The following USP20 variants were observed in gnomAD, a reference collection of about 807,000 sequenced individuals.
USP20 encodes the protein ubiquitin carboxyl-terminal hydrolase 20.
Under a neutral mutation model 124.2 loss-of-function variants are expected in USP20, and 80 were observed. The ratio of observed to expected loss-of-function variants is 0.64; its 90% CI spans 0.54 to 0.78. The LOEUF (loss-of-function observed/expected upper bound fraction) is 0.78. USP20 is among the 30% of genes least tolerant of loss of function. The pLI is 0.00. For missense variants in USP20, 1,043 were observed against 1,244.4 expected, an observed-to-expected ratio of 0.84 and a Z score of 2.44; for synonymous variants, 481 against 512.3, an observed-to-expected ratio of 0.94 and a Z score of 0.83.
intron 1 of USP20, among the ~76,000 whole-genome samples, chr9:129,842,837 CCCT>C (rs932237347): frequency 6.6e-6 from 1 of 152,072 alleles, no homozygotes; most frequent in African/African-American, 2.4e-5. Flanking sequence ...TTGTGATCCA[CCCT>C]CCTTAGCCTC....
rs548225641 is a variant in USP20 at position 129,881,023 on chromosome 9, A to G, written c.*573A>G. 6 of 152,500 alleles carry G rather than the reference A, an allele frequency of 3.9e-5. No individual in the cohort carries two copies. Among genetic ancestry groups the G allele is most frequent in the African/African-American group, 1.4e-4 (6 of 41,580 alleles). 9.4% of individuals were successfully genotyped at this position (152,500 alleles called of 1,614,324 possible). ...CCTGCAGACTGAAGACTCTGGACTC[A>G]TTGCTGATTGGAACACCAGGAGGAG... On this transcript the variant is annotated 3_prime_UTR_variant, in exon 26 of 26. Transcript: ENST00000372429.
intron 6 of USP20, among the ~76,000 whole-genome samples, 180 bp downstream of exon 6, chr9:129,858,778 CTG>C (rs1045909964): frequency 9.2e-5 from 14 of 152,292 alleles, no homozygotes; most frequent in African/African-American, 3.4e-4. Flanking sequence ...GAGCCCAACT[CTG>C]TGCCGAGGCA....
chr9:129,852,469 A>C (rs1475040887), intron 2 of USP20, 71 bp from the exon 3 acceptor site: 6 of 1,398,392 alleles, frequency 4.3e-6, no homozygotes, highest in Non-Finnish European at 3.9e-6. Context: ...TCATGTACTT[A>C]ACCACTCACC....
At chr9:129,837,022 G>A (rs960409082) in intron 1 of USP20, among the ~76,000 whole-genome samples, 1 of 152,208 alleles carries the variant, frequency 6.6e-6, no homozygotes, top group African/African-American at 2.4e-5. Flanking sequence ...CTCAGCTGAA[G>A]TCCCAGGGTA....
At chr9:129,859,724 T>C (rs2033436708) in intron 6 of USP20, among the ~76,000 whole-genome samples, 1 of 152,248 alleles carries the variant, frequency 6.6e-6, no homozygotes, top group East Asian at 1.9e-4. Context: ...TGTGCATGTG[T>C]ATTAACAGTT....
At chr9:129,838,042 ATT>A (rs35724053) in intron 1 of USP20, among the ~76,000 whole-genome samples, 19 of 142,522 alleles carry the variant, frequency 1.3e-4, no homozygotes, top group South Asian at 2.2e-4. Context: ...GTTGACAACA[ATT>A]TTTTTTTTTT....
chr9:129,852,400 T>A (rs1383889165), intron 2 of USP20, 140 bp from the exon 3 acceptor site: 2 of 672,866 alleles, frequency 3.0e-6, no homozygotes, highest in Non-Finnish European at 5.1e-6. Context: ...CTCAGAGAGG[T>A]TAAGCAACTT....
At chr9:129,847,541 T>G (rs1588245422) in intron 1 of USP20, among the ~76,000 whole-genome samples, 1 of 152,142 alleles carries the variant, frequency 6.6e-6, no homozygotes, top group African/African-American at 2.4e-5. Flanking sequence ...GATCTCATGA[T>G]CCGCCCGCCT....
intron 2 of USP20, among the ~76,000 whole-genome samples, chr9:129,851,516 C>T (rs188216261): frequency 1.3e-5 from 2 of 151,854 alleles, no homozygotes; most frequent in African/African-American, 4.9e-5. Context: ...TCTGTAGGCA[C>T]TCATGTGTGT....
Position 129,867,992 on chromosome 9 carries a change from C to T in USP20, c.691-13C>T, listed in dbSNP as rs1448481384. 1.2e-6 allele frequency: 2 copies of T among 1,605,046 alleles called. No homozygotes were observed. Among genetic ancestry groups the T allele is most frequent in the Non-Finnish European group, 1.7e-6 (2 of 1,174,596 alleles). The stretch of plus-strand genomic sequence containing the variant: ...CTCCAGGGGAGCCCTGTTGATGCAG[C>T]CCCTGGTTCTAGGACACCCAAGAGT... On this transcript the variant is annotated splice_polypyrimidine_tract_variant and intron_variant, in intron 10 of 25. Transcript: ENST00000372429.
chr9:129,877,506 G>C (rs142860189), intron 22 of USP20, among the ~76,000 whole-genome samples: 2 of 151,902 alleles, frequency 1.3e-5, no homozygotes, highest in Admixed American at 1.3e-4. Context: ...CTGGGCAATA[G>C]AGTGAGACCC....
At chr9:129,846,247 A>ATATATATATATATATATT (rs1554742656) in intron 1 of USP20, among the ~76,000 whole-genome samples, 1 of 32,666 alleles carries the variant, frequency 3.1e-5, no homozygotes, top group African/African-American at 1.2e-4. Flanking sequence ...ATATATATAT[A>ATATATATATATATATATT]TTTTTTTTTT....
Position 129,874,641 on chromosome 9 carries a change from C to G in USP20, c.1806C>G (p.His602Gln), listed in dbSNP as rs35899714. 1 of 1,613,796 alleles carries G rather than the reference C, an allele frequency of 6.2e-7. No homozygotes were observed. The highest frequency in any genetic ancestry group is 8.5e-7 in the Non-Finnish European group (1 of 1,180,024). Residue 602 changes from histidine to glutamine, a missense_variant, in exon 18 of 26, where the codon CAC becomes CAG. His to Gln is a conservative substitution (Grantham distance 24). Coordinates refer to ENST00000372429, the MANE Select transcript of USP20 (RefSeq NM_001110303.4). The stretch of plus-strand genomic sequence containing the variant: ...TGTACTCATTCAAGATCAACAGCCA[C>G]GTCTCCTTCCCCCTCGAGGGGCTCG... ...EVMYSFKINS[H>Q]VSFPLEGLDL... is the part of the protein sequence containing the mutation.
chr9:129,860,793 A>C, intron 6 of USP20, 144 bp from the exon 7 acceptor site: 1 of 774,202 alleles, frequency 1.3e-6, no homozygotes, highest in Non-Finnish European at 2.2e-6. Flanking sequence ...CTCTTTTCAC[A>C]GTACCTTCTG....
rs771694610 is a variant in USP20, at chr9:129,875,588, C to T, written c.2247C>T (p.Ile749=). Residue 749 remains isoleucine (I), a synonymous_variant, in exon 21 of 26, where the codon ATC becomes ATT. Transcript: ENST00000372429. ...GGIPPHKYHY[I]DDLVVILPQN... ...TCCCGCCCCACAAATACCACTACAT[C>T]GACGACCTGGTGGTCATCCTGCCCC... 7 of 1,613,972 alleles carry T rather than the reference C, an allele frequency of 4.3e-6. No homozygotes were observed. The highest frequency in any genetic ancestry group is 4.0e-5 in the African/African-American group (3 of 74,928).
At position 129,870,573 on chromosome 9, in the gene USP20, G is replaced by A. The variant is rs567975897; in HGVS notation, c.1660+26G>A. The A allele has an allele frequency of 8.7e-6, 14 of 1,613,040 alleles. No individual in the cohort carries two copies. In the East Asian group the frequency reaches 1.1e-4, roughly 13 times the overall value. ...GTGAGGGGCCTGGCTGGCAAGGGTC[G>A]GGGAGGTGGAGGGTTGTGGGGACGG... On this transcript the variant is annotated intron_variant, in intron 15 of 25. Transcript: ENST00000372429.
chr9:129,880,517 C>A lies in USP20; in HGVS notation c.*67C>A. On this transcript the variant is annotated 3_prime_UTR_variant, in exon 26 of 26. Transcript: ENST00000372429. Reference sequence around the variant, plus strand: ...GCGTGTTTGTGCCCAGAAGAGAGGCCGGGCTGCTGCAGAACCCCGCCGTGT... The same window carrying A: ...GCGTGTTTGTGCCCAGAAGAGAGGCAGGGCTGCTGCAGAACCCCGCCGTGT... The A allele has an allele frequency of 1.8e-6, 1 of 544,080 alleles. No homozygotes were observed. The highest frequency in any genetic ancestry group is 3.2e-5 in the Admixed American group (1 of 31,522). The allele number at this position is 544,080 out of a possible 1,614,324, so 33.7% of individuals were successfully genotyped here.
intron 1 of USP20, among the ~76,000 whole-genome samples, chr9:129,846,775 C>T (rs758821466): frequency 3.0e-4 from 46 of 151,788 alleles, no homozygotes; most frequent in Admixed American, 2.3e-3. Flanking sequence ...TACAGGCTCC[C>T]GCCACCACGC....
intron 21 of USP20, 114 bp from the exon 22 acceptor site, chr9:129,876,016 G>A: frequency 1.0e-6 from 1 of 971,122 alleles, no homozygotes; most frequent in Non-Finnish European, 1.6e-6. Flanking sequence ...ATGCAGGCCT[G>A]CGACAGCGCT....
Sources: allele counts gnomAD v4.1 joint callset (sites outside exome capture counted in the v4.1 genomes callset), GRCh38; gene constraint gnomAD v4.1.1; transcripts MANE v1.5; gene names NCBI Gene and HGNC (gene_info 2026-07-23, HGNC 2026-07-21).